Variants in RANBP2 observed in about 807,000 individuals in gnomAD.
RANBP2 encodes E3 SUMO-protein ligase RanBP2.
Under a neutral mutation model 303.6 loss-of-function variants are expected in RANBP2, and 57 were observed. The observed-to-expected ratio is 0.19, with a 90% confidence interval of 0.15 to 0.23. The LOEUF (loss-of-function observed/expected upper bound fraction) is 0.23, where lower values mean the gene tolerates loss of function less well. Among genes scored for constraint, RANBP2 ranks in the 10% least tolerant of loss-of-function variants. The pLI is 1.00. For synonymous variants in RANBP2, 1,167 were observed against 1,301.5 expected (o/e 0.90, Z 2.23); for missense variants, 3,138 against 3,780.8 (o/e 0.83, Z 4.46).
At chr2:109,670,967 C>T in the RANBP2 span, among the ~76,000 whole-genome samples, 1 of 152,186 alleles carries the variant, frequency 6.6e-6, no homozygotes, top group Non-Finnish European at 1.5e-5. Flanking sequence ...ATCCCCACCC[C>T]AGGCCCCAGT....
At chr2:109,254,133 C>T in the RANBP2 span, among the ~76,000 whole-genome samples, 1 of 152,154 alleles carries the variant, frequency 6.6e-6, no homozygotes, top group African/African-American at 2.4e-5. Flanking sequence ...TCACCAACCC[C>T]TCTAGCAAGG....
the RANBP2 span, chr2:109,419,742 T>C: frequency 8.9e-7 from 1 of 1,126,966 alleles, no homozygotes; most frequent in Non-Finnish European, 1.3e-6. Context: ...TTTTCCCATG[T>C]GTTACTAGTT....
the RANBP2 span, among the ~76,000 whole-genome samples, chr2:109,380,057 A>C: frequency 6.6e-6 from 1 of 152,166 alleles, no homozygotes; most frequent in South Asian, 2.1e-4. Context: ...CATAAGAGGG[A>C]GACTCCAGTC....
the RANBP2 span, among the ~76,000 whole-genome samples, chr2:109,224,236 G>A: frequency 6.6e-6 from 1 of 152,258 alleles, no homozygotes; most frequent in East Asian, 1.9e-4. Context: ...TAGCTAATCA[G>A]ATCTATCAAA....
At chr2:109,363,468 T>C in the RANBP2 span, among the ~76,000 whole-genome samples, 1 of 152,190 alleles carries the variant, frequency 6.6e-6, no homozygotes, top group Non-Finnish European at 1.5e-5. Context: ...ATCAAATACA[T>C]TGTTTTTATT....
chr2:109,339,302 A>T, the RANBP2 span, among the ~76,000 whole-genome samples: 1 of 152,170 alleles, frequency 6.6e-6, no homozygotes, highest in Admixed American at 6.5e-5. Flanking sequence ...GGGTAACATG[A>T]AAGTAATGAC....
At chr2:109,285,587 A>G in the RANBP2 span, among the ~76,000 whole-genome samples, 1 of 152,120 alleles carries the variant, frequency 6.6e-6, no homozygotes, top group African/African-American at 2.4e-5. Flanking sequence ...TGTTCTGGCC[A>G]CGGTCAAGCC....
chr2:109,214,789 C>T, the RANBP2 span, among the ~76,000 whole-genome samples: 42 of 152,290 alleles, frequency 2.8e-4, no homozygotes, highest in South Asian at 6.8e-3. Context: ...GGACTTGCGT[C>T]CTCACCCCTA....
chr2:109,073,945 A>T, the RANBP2 span, among the ~76,000 whole-genome samples: 13 of 150,850 alleles, frequency 8.6e-5, 2 homozygotes, highest in Middle Eastern at 3.4e-3. Context: ...AAAAGAAAAA[A>T]AGTTACAAAG....
chr2:108,930,172 G>A, the RANBP2 span: 31 of 1,614,068 alleles, frequency 1.9e-5, 1 homozygote, highest in South Asian at 5.5e-5. Flanking sequence ...GCACAGCCCC[G>A]TAGTCTGGTT....
chr2:109,479,152 G>A, the RANBP2 span, among the ~76,000 whole-genome samples: 2 of 152,170 alleles, frequency 1.3e-5, no homozygotes, highest in Admixed American at 1.3e-4. Context: ...TGGCGACTGG[G>A]TTCCGAGAGT....
chr2:108,902,253 A>G, the RANBP2 span, among the ~76,000 whole-genome samples: 14 of 151,846 alleles, frequency 9.2e-5, no homozygotes, highest in African/African-American at 2.9e-4. Flanking sequence ...GCATGTGCCT[A>G]TAATCCCAGC....
the RANBP2 span, among the ~76,000 whole-genome samples, chr2:109,501,040 A>G: frequency 0.017 from 2,600 of 152,320 alleles, 39 homozygotes; most frequent in East Asian, 0.084. Context: ...GCTGCAGTTG[A>G]GGAGCGTGCT....
At chr2:109,585,818 C>T in the RANBP2 span, 20 of 1,613,390 alleles carry the variant, frequency 1.2e-5, no homozygotes, top group South Asian at 6.6e-5. Flanking sequence ...ACATAGTCAA[C>T]GAACGAATGT....
Position 108,760,643 on chromosome 2 carries a change from G to GTT in RANBP2, c.2603-1452_2603-1451dup, listed in dbSNP as rs571596750. On this transcript the variant is annotated intron_variant, in intron 18 of 28. Coordinates refer to ENST00000283195, the MANE Select transcript of RANBP2 (RefSeq NM_006267.5). ...GAACAAAAGTGATATCAATTTTTAA[G>GTT]TTTTTTTAATACTAGTCATGGTCAA... Among the ~76,000 whole-genome samples the GTT allele has an allele frequency of 1.1e-3, 169 of 152,188 alleles. 3 individuals carry two copies. The highest frequency in any genetic ancestry group is 4.0e-3 in the African/African-American group (165 of 41,530).
the RANBP2 span, among the ~76,000 whole-genome samples, chr2:109,346,931 G>C: frequency 1.3e-5 from 2 of 152,168 alleles, no homozygotes; most frequent in African/African-American, 4.8e-5. Context: ...ATGGTGGGGG[G>C]GTCTGTGATG....
chr2:108,772,391 A>T lies in RANBP2; in HGVS notation c.8021-98A>T, dbSNP rs530023234. On this transcript the variant is annotated intron_variant, in intron 21 of 28. Coordinates refer to ENST00000283195, the MANE Select transcript of RANBP2 (RefSeq NM_006267.5). Reference sequence around the variant, plus strand: ...AGATATAAAATTGGCTGCAATTCAGATGTGGAGAGTGAGAAATGGTGAAGT... The same window carrying T: ...AGATATAAAATTGGCTGCAATTCAGTTGTGGAGAGTGAGAAATGGTGAAGT... 6 of 897,906 alleles carry T rather than the reference A, an allele frequency of 6.7e-6. No individual in the cohort carries two copies. The East Asian group carries it at 1.3e-4, about 19-fold the overall frequency. 55.6% of individuals were successfully genotyped at this position (897,906 alleles called of 1,614,324 possible). A position where few individuals can be genotyped will look rare whatever the true frequency, so the allele number is the denominator to read the frequency against.
At chr2:109,278,368 G>A in the RANBP2 span, among the ~76,000 whole-genome samples, 1 of 152,154 alleles carries the variant, frequency 6.6e-6, no homozygotes. Context: ...AGTGGGGCTT[G>A]CCAGTCTGCA....
rs1432932637 is a variant in RANBP2 at position 108,764,478 on chromosome 2, C to T, written c.3939C>T (p.Ala1313=). 5 of 1,613,840 alleles carry T rather than the reference C, an allele frequency of 3.1e-6. No homozygotes were observed. The highest frequency in any genetic ancestry group is 2.2e-5 in the East Asian group (1 of 44,882). ...SILKAPGTNV[A]MASNQAVRIV... ...TAAAAGCCCCAGGAACAAATGTAGCCATGGCGTCAAATCAGGCTGTCAGAA... is the reference window on the plus strand; with the variant it reads ...TAAAAGCCCCAGGAACAAATGTAGCTATGGCGTCAAATCAGGCTGTCAGAA... The change falls in exon 20 of 29, where the codon GCC becomes GCT. Residue 1313 remains alanine, a synonymous_variant. Transcript: ENST00000283195.
Sources: gnomAD v4.1 joint callset for allele counts (sites outside exome capture counted in the v4.1 genomes callset) on GRCh38, gnomAD v4.1.1 for gene constraint, MANE v1.5 for transcripts, NCBI Gene and HGNC (gene_info 2026-07-23, HGNC 2026-07-21) for gene names.